The following UNC5C variants were observed in gnomAD, a reference collection of about 807,000 sequenced individuals.
UNC5C encodes netrin receptor UNC5C.
UNC5C carries 47 observed loss-of-function variants against 99.8 expected under a neutral mutation model. The ratio of observed to expected loss-of-function variants is 0.47; its 90% CI spans 0.37 to 0.60. The LOEUF (loss-of-function observed/expected upper bound fraction) is 0.60. Among genes scored for constraint, UNC5C ranks in the 20% least tolerant of loss-of-function variants. The pLI is 0.00. For synonymous variants in UNC5C, 487 were observed against 452.2 expected (o/e 1.08, Z -0.98); for missense variants, 1,062 against 1,165.9 (o/e 0.91, Z 1.30).
At chr4:95,210,541 T>C (rs1340857418) in intron 10 of UNC5C, among the ~76,000 whole-genome samples, 2 of 152,198 alleles carry the variant, frequency 1.3e-5, no homozygotes. Context: ...AGAGAAGGAC[T>C]TCTCTATGTC....
At chr4:95,387,332 G>A (rs544904819) in intron 1 of UNC5C, among the ~76,000 whole-genome samples, 2 of 152,126 alleles carry the variant, frequency 1.3e-5, no homozygotes, top group South Asian at 2.1e-4. Context: ...AGAGATGGGG[G>A]CCTCACTATG....
chr4:95,206,464 A>G (rs1737879521), intron 11 of UNC5C, among the ~76,000 whole-genome samples, 164 bp downstream of exon 11: 2 of 152,326 alleles, frequency 1.3e-5, no homozygotes, highest in South Asian at 2.1e-4. Flanking sequence ...ATCAGAAGAT[A>G]TAACACTCAG....
At chr4:95,462,523 A>T (rs1747634607) in intron 1 of UNC5C, among the ~76,000 whole-genome samples, 1 of 152,244 alleles carries the variant, frequency 6.6e-6, no homozygotes, top group Non-Finnish European at 1.5e-5. Context: ...TTCAGGAGAA[A>T]TGCCTAGTTC....
At chr4:95,280,742 C>G (rs1351676709) in intron 3 of UNC5C, among the ~76,000 whole-genome samples, 1 of 151,952 alleles carries the variant, frequency 6.6e-6, no homozygotes, top group Non-Finnish European at 1.5e-5. Flanking sequence ...ACAGAGTTAT[C>G]ATAACTTTAA....
At chr4:95,247,261 A>G (rs531075767) in intron 5 of UNC5C, among the ~76,000 whole-genome samples, 143 of 152,166 alleles carry the variant, frequency 9.4e-4, no homozygotes, top group Middle Eastern at 6.8e-3. Flanking sequence ...GGTTAGATAT[A>G]TATGTTTTCT....
chr4:95,427,343 A>G (rs1478929049), intron 1 of UNC5C, among the ~76,000 whole-genome samples: 1 of 152,220 alleles, frequency 6.6e-6, no homozygotes, highest in East Asian at 1.9e-4. Context: ...GCAGCAGAGT[A>G]TGAGAGGATT....
At chr4:95,436,569 A>G (rs1746798930) in intron 1 of UNC5C, among the ~76,000 whole-genome samples, 1 of 151,966 alleles carries the variant, frequency 6.6e-6, no homozygotes, top group African/African-American at 2.4e-5. Context: ...CTAAAAATGT[A>G]AAGACTGGTC....
chr4:95,205,534 T>G (rs1737844542), intron 11 of UNC5C, among the ~76,000 whole-genome samples: 1 of 152,170 alleles, frequency 6.6e-6, no homozygotes, highest in Admixed American at 6.5e-5. Flanking sequence ...TCTTAAAATA[T>G]TAGGAGCTGG....
chr4:95,376,184 A>G (rs28615872), intron 1 of UNC5C, among the ~76,000 whole-genome samples: 22,440 of 151,730 alleles, frequency 0.15, 1,987 homozygotes, highest in South Asian at 0.23. Context: ...TTACACATAC[A>G]TCTCATATAT....
intron 12 of UNC5C, among the ~76,000 whole-genome samples, chr4:95,194,804 C>A (rs1287910938): frequency 1.3e-5 from 2 of 152,124 alleles, no homozygotes; most frequent in South Asian, 2.1e-4. Flanking sequence ...CTGTAAACAT[C>A]CTTGGGTGGG....
intron 5 of UNC5C, among the ~76,000 whole-genome samples, chr4:95,249,008 T>C (rs555744092): frequency 6.6e-6 from 1 of 152,162 alleles, no homozygotes; most frequent in Non-Finnish European, 1.5e-5. Context: ...TCTTTTTTTT[T>C]ATCTTTGATA....
chr4:95,410,968 G>C (rs1376210280), intron 1 of UNC5C, among the ~76,000 whole-genome samples: 1 of 152,124 alleles, frequency 6.6e-6, no homozygotes, highest in African/African-American at 2.4e-5. Context: ...GTCAGGAAAG[G>C]GACAAATGCT....
chr4:95,250,355 A>C, intron 5 of UNC5C, 132 bp downstream of exon 5: 1 of 966,820 alleles, frequency 1.0e-6, no homozygotes, highest in African/African-American at 1.7e-5. Context: ...ATTGCACGCC[A>C]GCCTGGGTGA....
chr4:95,355,090 A>C (rs1056267327), intron 1 of UNC5C, among the ~76,000 whole-genome samples: 2 of 152,154 alleles, frequency 1.3e-5, no homozygotes, highest in African/African-American at 2.4e-5. Context: ...AATTGCTATA[A>C]AAATAGGCTT....
intron 1 of UNC5C, among the ~76,000 whole-genome samples, chr4:95,413,019 A>T (rs1746043557): frequency 6.6e-6 from 1 of 152,098 alleles, no homozygotes; most frequent in Non-Finnish European, 1.5e-5. Context: ...CAAGAGGGAA[A>T]TTTTTTATTT....
chr4:95,204,577 C>T (rs936233855), intron 11 of UNC5C, among the ~76,000 whole-genome samples: 2 of 152,246 alleles, frequency 1.3e-5, no homozygotes, highest in African/African-American at 2.4e-5. Flanking sequence ...GTGAAATCTT[C>T]CAACTTTTAA....
intron 7 of UNC5C, chr4:95,222,104 C>T (rs2149369133): frequency 1.4e-6 from 1 of 728,504 alleles, no homozygotes; most frequent in Non-Finnish European, 2.0e-6. Flanking sequence ...TATTAGGCTC[C>T]TATTTCCTGT....
chr4:95,346,088 G>T (rs1480621365), intron 1 of UNC5C, among the ~76,000 whole-genome samples: 1 of 151,240 alleles, frequency 6.6e-6, no homozygotes, highest in East Asian at 1.9e-4. Context: ...CAAGTTTTTT[G>T]AAAAAGGAGA....
chr4:95,487,905 A>G (rs17383694), intron 1 of UNC5C, among the ~76,000 whole-genome samples: 41,109 of 151,686 alleles, frequency 0.27, 6,638 homozygotes, highest in Non-Finnish European at 0.35. Flanking sequence ...GGGCTATAGT[A>G]TCAAAATTTT....
Sources: allele counts gnomAD v4.1 joint callset (sites outside exome capture counted in the v4.1 genomes callset), GRCh38; gene constraint gnomAD v4.1.1; transcripts MANE v1.5; gene names NCBI Gene and HGNC (gene_info 2026-07-23, HGNC 2026-07-21).